The following PPP2R1B variants were observed in gnomAD, a reference collection of about 807,000 sequenced individuals.
PPP2R1B encodes serine/threonine-protein phosphatase 2A 65 kDa regulatory subunit A beta isoform.
A neutral mutation model predicts 72.7 loss-of-function variants in PPP2R1B; 58 were observed. The ratio of observed to expected loss-of-function variants is 0.80; its 90% CI spans 0.65 to 0.99. PPP2R1B has a LOEUF of 0.99. PPP2R1B is among the 50% of genes least tolerant of loss of function. The pLI, the probability that PPP2R1B is intolerant of heterozygous loss-of-function variation, is 0.00. For missense variants in PPP2R1B, 695 were observed against 733.6 expected (o/e 0.95, Z 0.61); for synonymous variants, 256 against 264.6 (o/e 0.97, Z 0.32).
chr11:111,739,489 C>A lies in PPP2R1B; in HGVS notation c.*2107G>T. 1 of 985,384 alleles carries A rather than the reference C, an allele frequency of 1.0e-6. No individual in the cohort carries two copies. The highest frequency in any genetic ancestry group is 1.2e-6 in the Non-Finnish European group (1 of 829,948). 61.0% of individuals were successfully genotyped at this position (985,384 alleles called of 1,614,324 possible). A position where few individuals can be genotyped will look rare whatever the true frequency, so the allele number is the denominator to read the frequency against. ...AACAATGAAACCCCTGAGGGGTCAC[C>A]ACAAAAGACAGAGGCCCCGCTGAAC... On this transcript the variant is annotated 3_prime_UTR_variant, in exon 15 of 15. Transcript: ENST00000527614.
At chr11:111,749,710 A>T (rs1421750187) in intron 10 of PPP2R1B, among the ~76,000 whole-genome samples, 1 of 152,216 alleles carries the variant, frequency 6.6e-6, no homozygotes, top group Non-Finnish European at 1.5e-5. Flanking sequence ...AGATATGAAG[A>T]GAAATTAAGG....
At chr11:111,719,062 G>A in the PPP2R1B span, among the ~76,000 whole-genome samples, 1 of 152,224 alleles carries the variant, frequency 6.6e-6, no homozygotes, top group Non-Finnish European at 1.5e-5. Flanking sequence ...GTTGCTGGAG[G>A]AGACAAAATT....
rs1944598831 is a variant in PPP2R1B at position 111,743,518 on chromosome 11, C to T, written c.1412G>A (p.Arg471Gln). 3.1e-6 allele frequency: 5 copies of T among 1,613,312 alleles called. No homozygotes were observed. Among genetic ancestry groups the T allele is most frequent in the Non-Finnish European group, 2.5e-6 (3 of 1,179,838 alleles). ...CATGAGGTTGTTGGTGGCAGCTTCT[C>T]GGATGGCGTATACTGCAGAAGAGGT... The part of the protein sequence containing the change: ...AWLVDHVYAI[R>Q]EAATNNLMKL... Residue 471 changes from arginine (R) to glutamine (Q), a missense_variant, in exon 12 of 15, where the codon CGA becomes CAA. By Grantham distance (43) the Arg-to-Gln change is conservative. Transcript: ENST00000527614.
intron 15 of PPP2R1B, chr11:111,728,888 C>T (rs1235334112): frequency 6.7e-6 from 1 of 149,392 alleles, no homozygotes; most frequent in Admixed American, 6.7e-5. Context: ...CGTGCCACTG[C>T]ACTCCAGCCT....
chr11:111,691,434 T>C, the PPP2R1B span, among the ~76,000 whole-genome samples: 1 of 152,080 alleles, frequency 6.6e-6, no homozygotes, highest in Admixed American at 6.6e-5. Context: ...AAAGCTGAGA[T>C]GCAAAGAGAT....
rs782458648 is a variant in PPP2R1B at position 111,766,344 on chromosome 11, C to G, written c.18G>C (p.Glu6Asp). 1 of 1,530,322 alleles carries G rather than the reference C, an allele frequency of 6.5e-7. No individual in the cohort carries two copies. Among genetic ancestry groups the G allele is most frequent in the Non-Finnish European group, 8.8e-7 (1 of 1,137,562 alleles). The allele number at this position is 1,530,322 out of a possible 1,614,324, so 94.8% of individuals were successfully genotyped here. Residue 6 changes from glutamate (E) to aspartate (D), a missense_variant, in exon 1 of 15, where the codon GAG (glutamate) becomes GAC (aspartate). Transcript: ENST00000527614. MAGAS[E>D]LGTGPGAAGG... ...CCGCTGCTCCTGGGCCGGTCCCGAG[C>G]TCTGATGCGCCCGCCATGTTCTTTC...
the PPP2R1B span, among the ~76,000 whole-genome samples, chr11:111,710,005 A>G: frequency 7.2e-5 from 11 of 152,338 alleles, no homozygotes; most frequent in African/African-American, 2.2e-4. Context: ...ACCCCCAGTC[A>G]TGCGTTGCCC....
At chr11:111,744,993 C>T (rs961362498) in intron 11 of PPP2R1B, among the ~76,000 whole-genome samples, 1 of 152,012 alleles carries the variant, frequency 6.6e-6, no homozygotes, top group African/African-American at 2.4e-5. Flanking sequence ...CAAACCCTTC[C>T]CTGTCCTCCC....
chr11:111,723,464 TA>T (rs770332930), downstream of PPP2R1B: 1 of 1,552,170 alleles, frequency 6.4e-7, no homozygotes, highest in South Asian at 1.2e-5. Flanking sequence ...TGAGAAGATT[TA>T]AAATTCTTTC....
At chr11:111,732,093 C>T (rs1944211619) in intron 15 of PPP2R1B, among the ~76,000 whole-genome samples, 1 of 152,206 alleles carries the variant, frequency 6.6e-6, no homozygotes, top group African/African-American at 2.4e-5. Context: ...GGCCTCTGCC[C>T]AGTGGATGGA....
the PPP2R1B span, among the ~76,000 whole-genome samples, chr11:111,713,516 T>A: frequency 6.6e-6 from 1 of 152,142 alleles, no homozygotes; most frequent in South Asian, 2.1e-4. Context: ...TGGGACAGAT[T>A]ATAGATAATA....
chr11:111,764,892 A>G lies in PPP2R1B; in HGVS notation c.219T>C (p.Asp73=), dbSNP rs2136121261. ...LLPFLTDTIY[D]EDEVLLALAE... ...CAAGAGCTAATAGTACCTCATCTTCATCATAAATTGTATCTGGAAGTGACA... is the reference window on the plus strand; with the variant it reads ...CAAGAGCTAATAGTACCTCATCTTCGTCATAAATTGTATCTGGAAGTGACA... The change falls in exon 3 of 15, where the codon GAT becomes GAC. Residue 73 remains aspartate (D), a synonymous_variant. Transcript: ENST00000527614. 6.2e-7 allele frequency: 1 copy of G among 1,613,932 alleles called. No homozygotes were observed. The highest frequency in any genetic ancestry group is 8.5e-7 in the Non-Finnish European group (1 of 1,180,014).
chr11:111,751,473 C>T (rs1944904863), intron 10 of PPP2R1B, among the ~76,000 whole-genome samples: 2 of 152,148 alleles, frequency 1.3e-5, no homozygotes, highest in African/African-American at 4.8e-5. Flanking sequence ...ATGTGAAATG[C>T]TCCAAAATCC....
chr11:111,694,669 T>C, the PPP2R1B span, among the ~76,000 whole-genome samples: 1 of 152,226 alleles, frequency 6.6e-6, no homozygotes, highest in African/African-American at 2.4e-5. Flanking sequence ...CTTCTGCCAC[T>C]AGCATTACGT....
downstream of PPP2R1B, chr11:111,726,520 T>TATC (rs1943972308): frequency 6.3e-6 from 1 of 158,484 alleles, no homozygotes; most frequent in African/African-American, 2.4e-5. Context: ...CCTATTTGCT[T>TATC]ATCTTGTTTA....
At chr11:111,688,661 G>A in the PPP2R1B span, among the ~76,000 whole-genome samples, 1 of 152,176 alleles carries the variant, frequency 6.6e-6, no homozygotes, top group Admixed American at 6.5e-5. The surrounding 1 kb of genome is among the most constrained non-coding windows in gnomAD (Gnocchi z 4.2). Flanking sequence ...AAATTAAGTT[G>A]GGTAGAGATT....
the PPP2R1B span, among the ~76,000 whole-genome samples, chr11:111,709,332 C>T: frequency 6.6e-6 from 1 of 152,240 alleles, no homozygotes; most frequent in Admixed American, 6.5e-5. Flanking sequence ...TTCTTCAAGG[C>T]CCTGTCTCCA....
At chr11:111,756,228 A>AG (rs1463239169) in intron 5 of PPP2R1B, among the ~76,000 whole-genome samples, 3 of 149,708 alleles carry the variant, frequency 2.0e-5, no homozygotes, top group Admixed American at 6.7e-5. Flanking sequence ...AAAAGGAAAA[A>AG]AAAAAAAAGA....
At chr11:111,749,364 A>G (rs1289230095) in intron 10 of PPP2R1B, among the ~76,000 whole-genome samples, 1 of 150,324 alleles carries the variant, frequency 6.7e-6, no homozygotes. Flanking sequence ...GCTCACTACA[A>G]CCTCCGCCTC....
Sources: allele counts gnomAD v4.1 joint callset (sites outside exome capture counted in the v4.1 genomes callset), GRCh38; gene constraint gnomAD v4.1.1; non-coding constraint Gnocchi (gnomAD v3.1); transcripts MANE v1.5; gene names NCBI Gene and HGNC (gene_info 2026-07-23, HGNC 2026-07-21).